Variants in AFAP1 observed in about 807,000 individuals in gnomAD.
The protein encoded by AFAP1 is actin filament associated protein 1.
AFAP1 carries 75 observed loss-of-function variants against 93.9 expected under a neutral mutation model. That is an observed-to-expected ratio of 0.80 (90% CI 0.66 to 0.97). The LOEUF (loss-of-function observed/expected upper bound fraction) is 0.97, where lower values mean the gene tolerates loss of function less well. Ranked by LOEUF, AFAP1 falls within the 50% of genes least tolerant of loss-of-function variation. The pLI is 0.00. For missense variants in AFAP1, 1,201 were observed against 1,050.8 expected, an observed-to-expected ratio of 1.14 and a Z score of -1.98; for synonymous variants, 517 against 430.7, an observed-to-expected ratio of 1.20 and a Z score of -2.48.
intron 6 of AFAP1, among the ~76,000 whole-genome samples, chr4:7,826,913 C>CA (rs1285806343): frequency 6.6e-6 from 1 of 152,170 alleles, no homozygotes; most frequent in Admixed American, 6.5e-5. Context: ...TCAACAGAGG[C>CA]AGCCCAAGAG....
In AFAP1 at chr4:7,761,163, T is replaced by G. The variant is rs1713730749; in HGVS notation, c.*2602A>C. The G allele has an allele frequency of 6.8e-6, 1 of 147,598 alleles. No homozygotes were observed. Among genetic ancestry groups the G allele is most frequent in the Non-Finnish European group, 1.5e-5 (1 of 65,034 alleles). The allele number at this position is 147,598 out of a possible 1,614,324, so 9.1% of individuals were successfully genotyped here. A position where few individuals can be genotyped will look rare whatever the true frequency, so the allele number is the denominator to read the frequency against. On this transcript the variant is annotated 3_prime_UTR_variant, in exon 18 of 18. Coordinates refer to ENST00000420658, the MANE Select transcript of AFAP1 (RefSeq NM_001134647.2). The stretch of plus-strand genomic sequence containing the variant: ...ACAGATATAAATTAAAAACTATATT[T>G]ATTGAACATATACACATAAATAACT...
chr4:7,900,524 G>A (rs1270713249), intron 1 of AFAP1, among the ~76,000 whole-genome samples: 1 of 152,170 alleles, frequency 6.6e-6, no homozygotes, highest in Non-Finnish European at 1.5e-5. Context: ...GTGCTTCCCA[G>A]GAAGCAATTA....
intron 6 of AFAP1, among the ~76,000 whole-genome samples, chr4:7,832,218 T>C (rs934981480): frequency 2.6e-5 from 4 of 151,756 alleles, no homozygotes; most frequent in African/African-American, 7.3e-5. Context: ...AGCTCGACAG[T>C]AGAAACTTCC....
chr4:7,889,311 G>C (rs1222124081), intron 1 of AFAP1, among the ~76,000 whole-genome samples: 2 of 151,954 alleles, frequency 1.3e-5, no homozygotes, highest in African/African-American at 4.8e-5. Flanking sequence ...CACTTTGGGA[G>C]GCCAAGGGGG....
intron 1 of AFAP1, among the ~76,000 whole-genome samples, chr4:7,930,545 T>A (rs1721010945): frequency 6.6e-6 from 1 of 152,182 alleles, no homozygotes; most frequent in South Asian, 2.1e-4. Context: ...CAAAGCCACC[T>A]GTCATCTCAT....
intron 5 of AFAP1, among the ~76,000 whole-genome samples, chr4:7,840,329 T>TG (rs1712864041): frequency 6.8e-6 from 1 of 146,404 alleles, no homozygotes; most frequent in African/African-American, 2.6e-5. Context: ...TGTGTGTGTG[T>TG]TTGAGATGAA....
chr4:7,882,255 A>G (rs1717894494), intron 1 of AFAP1, among the ~76,000 whole-genome samples: 1 of 152,226 alleles, frequency 6.6e-6, no homozygotes, highest in Non-Finnish European at 1.5e-5. Flanking sequence ...ATAATTTACC[A>G]GAATTACCCT....
intron 1 of AFAP1, among the ~76,000 whole-genome samples, chr4:7,927,900 CA>C (rs1177318231): frequency 6.6e-6 from 1 of 152,020 alleles, no homozygotes; most frequent in Non-Finnish European, 1.5e-5. Flanking sequence ...AATTTTGGCT[CA>C]AAAATCTTCA....
At chr4:7,854,452 CG>C (rs1714813714) in intron 4 of AFAP1, among the ~76,000 whole-genome samples, 1 of 152,158 alleles carries the variant, frequency 6.6e-6, no homozygotes, top group African/African-American at 2.4e-5. Flanking sequence ...AGCATGCCAA[CG>C]GGGGAATCTC....
At chr4:7,773,491 G>A (rs549353368) in intron 15 of AFAP1, 1 of 159,014 alleles carries the variant, frequency 6.3e-6, no homozygotes, top group African/African-American at 2.4e-5. Flanking sequence ...TTTTATTTGA[G>A]GTTTGCTGCA....
intron 8 of AFAP1, among the ~76,000 whole-genome samples, chr4:7,814,499 C>T (rs961385502): frequency 1.3e-5 from 2 of 152,218 alleles, no homozygotes; most frequent in East Asian, 3.9e-4. Context: ...TCAACCGTCG[C>T]TCCAAAGTGG....
In AFAP1 at chr4:7,848,097, A is replaced by AGGGAGGG. The variant is rs1560196966; in HGVS notation, c.335-4748_335-4747insCCCTCCC. On this transcript the variant is annotated intron_variant, in intron 4 of 17. Coordinates refer to ENST00000420658, the MANE Select transcript of AFAP1 (RefSeq NM_001134647.2). ...GGTGGACGGAAGGAGGGAGGGAAGG[A>AGGGAGGG]AAGAAGGAAGGAAGGAAGGAAGGAA... Among the ~76,000 whole-genome samples the AGGGAGGG allele has an allele frequency of 3.2e-5, 3 of 92,892 alleles. No individual in the cohort carries two copies. The East Asian group carries it at 1.0e-3, about 32-fold the overall frequency. 60.9% of individuals were successfully genotyped at this position (92,892 alleles called of 152,430 possible). A position where few individuals can be genotyped will look rare whatever the true frequency, so the allele number is the denominator to read the frequency against.
intron 9 of AFAP1, 71 bp downstream of exon 9, chr4:7,809,543 C>A: frequency 2.0e-6 from 3 of 1,529,640 alleles, no homozygotes; most frequent in Non-Finnish European, 1.8e-6. Flanking sequence ...AACTGGGTAC[C>A]GACACCACTG....
At chr4:7,765,360 C>A (rs1046101855) in intron 17 of AFAP1, among the ~76,000 whole-genome samples, 1 of 152,228 alleles carries the variant, frequency 6.6e-6, no homozygotes, top group South Asian at 2.1e-4. Flanking sequence ...TCCCCACCAC[C>A]CTGTGCCCCT....
At chr4:7,852,683 G>C (rs1254529406) in intron 4 of AFAP1, among the ~76,000 whole-genome samples, 1 of 152,082 alleles carries the variant, frequency 6.6e-6, no homozygotes, top group Admixed American at 6.5e-5. Flanking sequence ...GAATACAAAA[G>C]GGGCAGTAGA....
intron 1 of AFAP1, among the ~76,000 whole-genome samples, chr4:7,930,812 GCAAT>G (rs1721025195): frequency 6.6e-6 from 1 of 152,136 alleles, no homozygotes; most frequent in Non-Finnish European, 1.5e-5. Context: ...GTGCAGTGGT[GCAAT>G]CTCAGCTCAC....
intron 6 of AFAP1, among the ~76,000 whole-genome samples, chr4:7,826,285 A>T (rs963699619): frequency 6.6e-6 from 1 of 152,230 alleles, no homozygotes; most frequent in African/African-American, 2.4e-5. Context: ...GGAGGCAAGG[A>T]AACAGAGTTT....
At position 7,838,563 on chromosome 4, in the gene AFAP1, G is replaced by C; in HGVS notation, c.687C>G (p.Leu229=). The C allele has an allele frequency of 6.2e-7, 1 of 1,614,096 alleles. No individual in the cohort carries two copies. The highest frequency in any genetic ancestry group is 1.3e-5 in the African/African-American group (1 of 75,034). The change falls in exon 6 of 18, where the codon CTC becomes CTG. Residue 229 remains leucine, a synonymous_variant. Transcript: ENST00000420658. ...CGGCCTGTTCCTTGCTCTGGACGGC[G>C]AGAACAAGCGGGTCCGTGCCCTGCT... is the stretch of plus-strand genomic sequence containing the variant. The part of the protein sequence containing the change: ...ITQQGTDPLV[L]AVQSKEQAEQ...
chr4:7,777,286 A>G (rs1186887085), intron 14 of AFAP1: 1 of 152,248 alleles, frequency 6.6e-6, no homozygotes, highest in Non-Finnish European at 1.5e-5. Context: ...CATTAAACAA[A>G]TGGTGGTAGG....
Sources: allele counts gnomAD v4.1 joint callset (sites outside exome capture counted in the v4.1 genomes callset), GRCh38; gene constraint gnomAD v4.1.1; transcripts MANE v1.5; gene names NCBI Gene and HGNC (gene_info 2026-07-23, HGNC 2026-07-21).